The following TEX2 variants were observed in gnomAD, a reference collection of about 807,000 sequenced individuals.
TEX2 encodes the protein testis-expressed protein 2.
In TEX2, 53 loss-of-function variants were observed where a neutral mutation model predicts 106.9. The ratio of observed to expected loss-of-function variants is 0.50; its 90% CI spans 0.40 to 0.62. The LOEUF is 0.62. TEX2 is among the 20% of genes least tolerant of loss of function. The pLI is 0.00. For synonymous variants in TEX2, 523 were observed against 534.8 expected (o/e 0.98, Z 0.30); for missense variants, 1,207 against 1,379.0 (o/e 0.88, Z 1.98).
intron 2 of TEX2, among the ~76,000 whole-genome samples, chr17:64,211,988 A>G (rs2033016196): frequency 6.6e-6 from 1 of 152,250 alleles, no homozygotes; most frequent in African/African-American, 2.4e-5. Context: ...CTCAATCGAC[A>G]GATTAGACAG....
chr17:64,201,738 TCA>T (rs1278415427), intron 2 of TEX2, among the ~76,000 whole-genome samples: 4 of 152,188 alleles, frequency 2.6e-5, no homozygotes, highest in Non-Finnish European at 4.4e-5. Flanking sequence ...TCACCTAGGC[TCA>T]GTTCTCTGGT....
intron 4 of TEX2, among the ~76,000 whole-genome samples, chr17:64,192,734 T>G (rs980992992): frequency 2.0e-5 from 3 of 152,154 alleles, no homozygotes; most frequent in African/African-American, 7.2e-5. Flanking sequence ...GGGCAAAGGC[T>G]CAGATTATGT....
At chr17:64,221,226 A>T (rs1327004902) in intron 1 of TEX2, among the ~76,000 whole-genome samples, 4 of 152,150 alleles carry the variant, frequency 2.6e-5, no homozygotes, top group Non-Finnish European at 4.4e-5. Context: ...GAAGAGGGAG[A>T]GCATCAGGAT....
intron 7 of TEX2, among the ~76,000 whole-genome samples, chr17:64,165,177 C>T (rs930778535): frequency 2.0e-5 from 3 of 152,176 alleles, no homozygotes; most frequent in African/African-American, 7.2e-5. Context: ...TGGAGTTATT[C>T]AGCTCTGGGA....
At chr17:64,232,155 A>G (rs2033672001) in intron 1 of TEX2, among the ~76,000 whole-genome samples, 1 of 152,258 alleles carries the variant, frequency 6.6e-6, no homozygotes, top group African/African-American at 2.4e-5. Flanking sequence ...GATGATGTAC[A>G]TCACCTAGGT....
chr17:64,249,326 A>C (rs2034048347), intron 1 of TEX2, among the ~76,000 whole-genome samples: 1 of 152,174 alleles, frequency 6.6e-6, no homozygotes, highest in Admixed American at 6.5e-5. Flanking sequence ...AGGACACTCC[A>C]CTGGAGCACT....
At chr17:64,172,432 T>C (rs1436845946) in intron 6 of TEX2, among the ~76,000 whole-genome samples, 4 of 152,110 alleles carry the variant, frequency 2.6e-5, no homozygotes, top group Non-Finnish European at 5.9e-5. Flanking sequence ...ATCTACACTC[T>C]ATCCCCAGTG....
chr17:64,158,540 A>AAC (rs1242480123), intron 8 of TEX2, among the ~76,000 whole-genome samples: 1 of 152,242 alleles, frequency 6.6e-6, no homozygotes, highest in Non-Finnish European at 1.5e-5. Context: ...ACACGCTTCA[A>AAC]ACAGCTAATA....
intron 7 of TEX2, among the ~76,000 whole-genome samples, chr17:64,161,577 T>C (rs1440620180): frequency 6.6e-6 from 1 of 152,178 alleles, no homozygotes; most frequent in Non-Finnish European, 1.5e-5. Context: ...ATAATCACTT[T>C]GTACCTTAGG....
intron 1 of TEX2, among the ~76,000 whole-genome samples, chr17:64,219,224 G>A (rs1555632979): frequency 6.6e-6 from 1 of 152,070 alleles, no homozygotes; most frequent in Non-Finnish European, 1.5e-5. Flanking sequence ...CCTACAGGGA[G>A]TCCAGGCACA....
At chr17:64,244,298 G>C (rs558765142) in intron 1 of TEX2, among the ~76,000 whole-genome samples, 2 of 151,836 alleles carry the variant, frequency 1.3e-5, no homozygotes, top group African/African-American at 2.4e-5. Context: ...TGGGCCTCTC[G>C]TATCTTTGGA....
At chr17:64,203,749 A>C (rs1193179791) in intron 2 of TEX2, among the ~76,000 whole-genome samples, 1 of 152,214 alleles carries the variant, frequency 6.6e-6, no homozygotes, top group Admixed American at 6.5e-5. Flanking sequence ...GAACATTAAA[A>C]AAAGAAAAGA....
intron 6 of TEX2, 43 bp downstream of exon 6, chr17:64,177,282 A>G (rs1374422728): frequency 5.0e-6 from 8 of 1,602,468 alleles, no homozygotes; most frequent in Non-Finnish European, 5.9e-6. Flanking sequence ...CCAGAAATGA[A>G]GAAGTATAGA....
At chr17:64,186,023 G>A (rs2032058608) in intron 5 of TEX2, among the ~76,000 whole-genome samples, 2 of 152,230 alleles carry the variant, frequency 1.3e-5, no homozygotes, top group Admixed American at 1.3e-4. Flanking sequence ...TGACAGCAAT[G>A]CTGGGCTGTG....
chr17:64,202,087 C>T (rs2032683281), intron 2 of TEX2, among the ~76,000 whole-genome samples: 1 of 108,556 alleles, frequency 9.2e-6, no homozygotes, highest in Non-Finnish European at 2.2e-5. Context: ...AAAGAAAAAC[C>T]AAGGTAAAAA....
At chr17:64,163,518 T>G (rs1320693949) in intron 7 of TEX2, among the ~76,000 whole-genome samples, 1 of 152,208 alleles carries the variant, frequency 6.6e-6, no homozygotes, top group East Asian at 1.9e-4. Context: ...TATGATGTGC[T>G]TGCATTCAGA....
Position 64,193,687 on chromosome 17 carries a change from C to T in TEX2, c.2048G>A (p.Arg683Gln), listed in dbSNP as rs750193647. Residue 683 changes from arginine to glutamine, a missense_variant, in exon 4 of 12, where the codon CGA (arginine) becomes CAA (glutamine). Physicochemically the swap from Arg to Gln is conservative, Grantham distance 43. Around this residue, in one of 3 missense-constraint regions of TEX2, gnomAD observed 1,067 missense variants for 1,193.6 expected, o/e 0.89. Coordinates refer to ENST00000584379, the MANE Select transcript of TEX2 (RefSeq NM_001288732.2). Reference sequence around the variant, plus strand: ...CCCAAAGAGATAGAGTATCTGATCTCGCTGGCTAGATCTTGTTCCCTCCTG... The same window carrying T: ...CCCAAAGAGATAGAGTATCTGATCTTGCTGGCTAGATCTTGTTCCCTCCTG... Reference protein sequence around the residue: ...RPQEGTRSSQRDQILYLFGRT... With the variant: ...RPQEGTRSSQQDQILYLFGRT... The T allele has an allele frequency of 3.7e-6, 6 of 1,605,756 alleles. No homozygotes were observed. The highest frequency in any genetic ancestry group is 5.1e-6 in the Non-Finnish European group (6 of 1,176,740).
At chr17:64,179,738 G>C (rs529266663) in intron 5 of TEX2, among the ~76,000 whole-genome samples, 4 of 150,912 alleles carry the variant, frequency 2.7e-5, no homozygotes, top group African/African-American at 9.8e-5. Context: ...GTTTTCAAAG[G>C]TCTCCTTTAT....
Position 64,148,791 on chromosome 17 carries a change from A to C in TEX2, c.*178T>G. On this transcript the variant is annotated 3_prime_UTR_variant, in exon 12 of 12. Coordinates refer to ENST00000584379, the MANE Select transcript of TEX2 (RefSeq NM_001288732.2). Reference sequence around the variant, plus strand: ...GCAGCAGGCAATCCAGACAGTTGTCACTAGATGCAGGGAATGACACCTCAC... The same window carrying C: ...GCAGCAGGCAATCCAGACAGTTGTCCCTAGATGCAGGGAATGACACCTCAC... 1 of 695,880 alleles carries C rather than the reference A, an allele frequency of 1.4e-6. No homozygotes were observed. The highest frequency in any genetic ancestry group is 2.3e-6 in the Non-Finnish European group (1 of 435,326). 43.1% of individuals were successfully genotyped at this position (695,880 alleles called of 1,614,324 possible).
Sources: gnomAD v4.1 joint callset for allele counts (sites outside exome capture counted in the v4.1 genomes callset) on GRCh38, gnomAD v4.1.1 for gene constraint, gnomAD v4.1.1 regional missense constraint, MANE v1.5 for transcripts, NCBI Gene and HGNC (gene_info 2026-07-23, HGNC 2026-07-21) for gene names.